Variants in POU6F2 observed in about 807,000 individuals in gnomAD.
POU6F2 encodes POU domain, class 6, transcription factor 2.
A neutral mutation model predicts 71.3 loss-of-function variants in POU6F2; 31 were observed. The observed-to-expected ratio is 0.43, with a 90% CI of 0.33 to 0.59. The LOEUF (loss-of-function observed/expected upper bound fraction) is 0.59, where lower values mean the gene tolerates loss of function less well. Ranked by LOEUF, POU6F2 falls within the 20% of genes least tolerant of loss-of-function variation. The pLI is 0.04. For synonymous variants in POU6F2, 347 were observed against 355.7 expected (o/e 0.98, Z 0.27); for missense variants, 783 against 856.8 (o/e 0.91, Z 1.07).
At chr7:39,394,536 T>C (rs575937752) in intron 5 of POU6F2, among the ~76,000 whole-genome samples, 89 of 152,248 alleles carry the variant, frequency 5.8e-4, no homozygotes, top group Non-Finnish European at 1.0e-3. Flanking sequence ...GGGCTTCCTA[T>C]TTTCCTTCTC....
At chr7:39,371,432 G>T (rs1363253071) in intron 5 of POU6F2, among the ~76,000 whole-genome samples, 2 of 152,098 alleles carry the variant, frequency 1.3e-5, no homozygotes, top group African/African-American at 2.4e-5. Context: ...GCCCACCTTG[G>T]CCTCCCAAAG....
chr7:39,375,225 G>C (rs1408442136), intron 5 of POU6F2, among the ~76,000 whole-genome samples: 1 of 152,196 alleles, frequency 6.6e-6, no homozygotes, highest in African/African-American at 2.4e-5. Context: ...TACATGGACT[G>C]TTGCACCATA....
intron 1 of POU6F2, among the ~76,000 whole-genome samples, chr7:39,006,310 A>G (rs1057008638): frequency 1.3e-5 from 2 of 152,122 alleles, no homozygotes; most frequent in Admixed American, 1.3e-4. Flanking sequence ...CTAAAAATAC[A>G]AAAATTAGCC....
chr7:39,190,376 G>T (rs1248726822), intron 2 of POU6F2, among the ~76,000 whole-genome samples: 1 of 121,292 alleles, frequency 8.2e-6, no homozygotes, highest in Non-Finnish European at 1.6e-5. Flanking sequence ...CCAGCCTCAG[G>T]TTTGAATCCC....
intron 4 of POU6F2, among the ~76,000 whole-genome samples, chr7:39,322,398 T>G (rs1373655150): frequency 2.6e-5 from 4 of 152,238 alleles, no homozygotes; most frequent in African/African-American, 9.6e-5. Context: ...TCAAACCCTC[T>G]TAATCCATGT....
At chr7:39,187,641 C>T (rs989776047) in intron 2 of POU6F2, among the ~76,000 whole-genome samples, 3 of 152,172 alleles carry the variant, frequency 2.0e-5, no homozygotes, top group Admixed American at 2.0e-4. Context: ...GCAGAGAAAC[C>T]AGGCAAAGGT....
chr7:39,443,380 G>A (rs1205560081), intron 7 of POU6F2, among the ~76,000 whole-genome samples: 5 of 152,176 alleles, frequency 3.3e-5, no homozygotes, highest in African/African-American at 7.2e-5. Flanking sequence ...TGAGCGCAGC[G>A]GAAAAGAGCA....
intron 4 of POU6F2, among the ~76,000 whole-genome samples, chr7:39,331,812 C>T (rs1173215986): frequency 6.6e-6 from 1 of 152,078 alleles, no homozygotes; most frequent in African/African-American, 2.4e-5. Flanking sequence ...CGCCCGGCCT[C>T]GCTGTGGTTT....
intron 6 of POU6F2, among the ~76,000 whole-genome samples, chr7:39,429,683 C>T (rs1261976800): frequency 1.3e-5 from 2 of 152,118 alleles, no homozygotes; most frequent in African/African-American, 4.8e-5. Context: ...CCTAGTTGTC[C>T]GTGTGCTCAG....
chr7:39,121,017 A>AAAATGT (rs1792030127), intron 2 of POU6F2: 1 of 152,186 alleles, frequency 6.6e-6, no homozygotes, highest in Non-Finnish European at 1.5e-5. Context: ...CACGGTGAAA[A>AAAATGT]AAATGTCAGC....
At chr7:39,312,848 C>T (rs1330163640) in intron 4 of POU6F2, among the ~76,000 whole-genome samples, 4 of 152,272 alleles carry the variant, frequency 2.6e-5, no homozygotes, top group South Asian at 2.1e-4. Context: ...CTTCACTTCC[C>T]GCAGGGGACA....
chr7:38,980,154 T>G (rs944533941), intron 1 of POU6F2, among the ~76,000 whole-genome samples: 1 of 152,182 alleles, frequency 6.6e-6, no homozygotes, highest in African/African-American at 2.4e-5. Flanking sequence ...TTGTAAATAG[T>G]TGCATCAAAG....
chr7:39,066,685 G>A (rs1790760315), intron 1 of POU6F2, among the ~76,000 whole-genome samples: 1 of 150,860 alleles, frequency 6.6e-6, no homozygotes, highest in African/African-American at 2.4e-5. Flanking sequence ...AAGTGTTGAT[G>A]GTAACACTGA....
At chr7:39,183,340 C>T (rs1793471682) in intron 2 of POU6F2, among the ~76,000 whole-genome samples, 1 of 152,090 alleles carries the variant, frequency 6.6e-6, no homozygotes, top group African/African-American at 2.4e-5. Context: ...ACTCACAGTT[C>T]CACAGACTAC....
chr7:39,205,641 A>C (rs1403731125), intron 3 of POU6F2, among the ~76,000 whole-genome samples: 1 of 152,192 alleles, frequency 6.6e-6, no homozygotes, highest in East Asian at 1.9e-4. Context: ...ACATTCCCGA[A>C]GTATATTTAT....
intron 1 of POU6F2, among the ~76,000 whole-genome samples, chr7:39,030,505 T>C (rs1262288141): frequency 1.7e-5 from 1 of 60,512 alleles, no homozygotes; most frequent in Non-Finnish European, 3.1e-5. Flanking sequence ...AAATACTATA[T>C]ATATATATAT....
At chr7:39,401,145 G>A (rs1265434587) in intron 5 of POU6F2, among the ~76,000 whole-genome samples, 1 of 152,176 alleles carries the variant, frequency 6.6e-6, no homozygotes, top group Non-Finnish European at 1.5e-5. Context: ...TTTCTCTGGG[G>A]ACTCCTTTCC....
intron 1 of POU6F2, among the ~76,000 whole-genome samples, chr7:39,063,531 C>T (rs148714100): frequency 0.011 from 1,666 of 152,128 alleles, 18 homozygotes; most frequent in Non-Finnish European, 0.017. Context: ...GGAGCTTAAA[C>T]GGATGAGAGA....
At position 39,030,543 on chromosome 7, in the gene POU6F2, T is replaced by TATATATATAC. The variant is rs1491146903; in HGVS notation, c.105+52486_105+52487insTATATATACA. Among the ~76,000 whole-genome samples the TATATATATAC allele has an allele frequency of 1.1e-3, 95 of 87,956 alleles. 1 individual carries two copies. Among genetic ancestry groups the TATATATATAC allele is most frequent in the South Asian group, 2.6e-3 (7 of 2,702 alleles). 57.7% of individuals were successfully genotyped at this position (87,956 alleles called of 152,430 possible). A position where few individuals can be genotyped will look rare whatever the true frequency, so the allele number is the denominator to read the frequency against. On this transcript the variant is annotated intron_variant, in intron 1 of 9. Transcript: ENST00000518318. ...ATATATATATATATATATATATATA[T>TATATATATAC]ACACACACATACATATATTCCATTG...
Sources: allele counts gnomAD v4.1 joint callset (sites outside exome capture counted in the v4.1 genomes callset), GRCh38; gene constraint gnomAD v4.1.1; transcripts MANE v1.5; gene names NCBI Gene and HGNC (gene_info 2026-07-23, HGNC 2026-07-21).